MED23: variants seen among roughly 807,000 people sequenced by gnomAD.
The protein encoded by MED23 is mediator complex subunit 23, also known as mediator of RNA polymerase II transcription subunit 23.
MED23 carries 105 observed loss-of-function variants against 163.9 expected under a neutral mutation model. The observed-to-expected ratio is 0.64, with a 90% CI of 0.55 to 0.75. The LOEUF is 0.75. Ranked by LOEUF, MED23 falls within the 30% of genes least tolerant of loss-of-function variation. The probability of loss-of-function intolerance (pLI) is 0.00; values close to 1 mark genes in which losing one functional copy is unlikely to be tolerated. For synonymous variants in MED23, 561 were observed against 565.6 expected (o/e 0.99, Z 0.12); for missense variants, 1,054 against 1,649.0 (o/e 0.64, Z 6.25).
chr6:131,574,413 C>T (rs1255198207), intron 30 of MED23: 2 of 1,141,402 alleles, frequency 1.8e-6, no homozygotes, highest in Admixed American at 1.7e-5. Context: ...AACACAGGGA[C>T]ATTTTGCTGA....
rs567104058 is a variant in MED23, at chr6:131,609,822, T to C, written c.1077+224A>G. On this transcript the variant is annotated intron_variant, in intron 11 of 28. Transcript: ENST00000368068. ...GATATTACAGTGCCTTTTCATCTTG[T>C]ATCTGCTGGTGCCTGCACTGAGAAT... Among the ~76,000 whole-genome samples the C allele has an allele frequency of 4.0e-5, 6 of 151,126 alleles. No homozygotes were observed. The East Asian group carries it at 7.7e-4, about 20-fold the overall frequency.
At chr6:131,615,828 T>C in intron 10 of MED23, 79 bp downstream of exon 10, 2 of 1,036,078 alleles carry the variant, frequency 1.9e-6, no homozygotes, top group Non-Finnish European at 1.5e-6. Flanking sequence ...TTTTGCTCAG[T>C]TAGCTATAGC....
intron 22 of MED23, among the ~76,000 whole-genome samples, chr6:131,595,739 C>T (rs932242418): frequency 2.0e-5 from 3 of 152,194 alleles, no homozygotes; most frequent in Non-Finnish European, 4.4e-5. Flanking sequence ...ACAGTAACAT[C>T]ACCCTGTTCT....
rs1327331916 is a variant in MED23, at chr6:131,615,426, G to A, written c.876+481C>T. The stretch of plus-strand genomic sequence containing the variant: ...AAAGAAAAGACAAAACAGTGACTAT[G>A]AGGCCAGCCTCAAGGAACCCAGAGT... On this transcript the variant is annotated intron_variant, in intron 10 of 28. Transcript: ENST00000368068. The A allele has an allele frequency of 3.1e-6, 4 of 1,306,838 alleles. No individual in the cohort carries two copies. The African/African-American group carries it at 4.6e-5, about 15-fold the overall frequency. The allele number at this position is 1,306,838 out of a possible 1,614,324, so 81.0% of individuals were successfully genotyped here. A position where few individuals can be genotyped will look rare whatever the true frequency, so the allele number is the denominator to read the frequency against.
chr6:131,587,385 C>A lies in MED23; in HGVS notation c.*294G>T, dbSNP rs902244148. On this transcript the variant is annotated 3_prime_UTR_variant, in exon 29 of 29. Transcript: ENST00000368068. Reference sequence around the variant, plus strand: ...GCTAGAATAGGAAAGACTGAAAGTGCCAATGACAAGTCATTTGATCACAGA... The same window carrying A: ...GCTAGAATAGGAAAGACTGAAAGTGACAATGACAAGTCATTTGATCACAGA... The A allele has an allele frequency of 2.3e-5, 27 of 1,196,706 alleles. No homozygotes were observed. The African/African-American group carries it at 3.8e-4, about 17-fold the overall frequency. The allele number at this position is 1,196,706 out of a possible 1,614,324, so 74.1% of individuals were successfully genotyped here. A position where few individuals can be genotyped will look rare whatever the true frequency, so the allele number is the denominator to read the frequency against.
intron 23 of MED23, 31 bp downstream of exon 23, chr6:131,594,068 T>C: frequency 6.7e-7 from 1 of 1,497,052 alleles, no homozygotes; most frequent in Non-Finnish European, 9.3e-7. Context: ...CTGTTATTTC[T>C]GGGAGTCTAA....
chr6:131,603,041 C>T lies in MED23; in HGVS notation c.1920G>A (p.Gln640=), dbSNP rs1775602930. The T allele has an allele frequency of 6.2e-7, 1 of 1,613,730 alleles. No homozygotes were observed. The change falls in exon 16 of 29, where the codon CAG becomes CAA. Residue 640 remains glutamine, a synonymous_variant. Coordinates refer to ENST00000368068, the MANE Select transcript of MED23 (RefSeq NM_004830.4). Reference sequence around the variant, plus strand: ...TTCAATGAGCTCACCAAAGATGGAGCTGGTTCTGGTTTGTTTGTGCAACTG... The same window carrying T: ...TTCAATGAGCTCACCAAAGATGGAGTTGGTTCTGGTTTGTTTGTGCAACTG... ...LAAVAQTNQN[Q]LHLCVESTAL...
chr6:131,586,939 T>G lies in MED23; in HGVS notation c.*740A>C. On this transcript the variant is annotated 3_prime_UTR_variant, in exon 29 of 29. Transcript: ENST00000368068. ...CATCTGTCAGGTGAGAGTGTCAACC[T>G]GCAAAAGCAATTAACTTATTTTTAA... 6.7e-7 allele frequency: 1 copy of G among 1,485,278 alleles called. No homozygotes were observed. Among genetic ancestry groups the G allele is most frequent in the African/African-American group, 1.4e-5 (1 of 71,442 alleles). The allele number at this position is 1,485,278 out of a possible 1,614,324, so 92.0% of individuals were successfully genotyped here. A position where few individuals can be genotyped will look rare whatever the true frequency, so the allele number is the denominator to read the frequency against.
At chr6:131,625,597 T>C (rs760952037) in intron 3 of MED23, among the ~76,000 whole-genome samples, 16 of 152,236 alleles carry the variant, frequency 1.1e-4, no homozygotes, top group Non-Finnish European at 1.9e-4. Context: ...TACATACTTC[T>C]ATTGTGGCAC....
At chr6:131,616,530 A>C (rs940194139) in intron 9 of MED23, among the ~76,000 whole-genome samples, 8 of 152,216 alleles carry the variant, frequency 5.3e-5, no homozygotes, top group African/African-American at 1.9e-4. Flanking sequence ...TATAATAAAT[A>C]GTACTAGGCC....
chr6:131,624,972 A>G lies in MED23; in HGVS notation c.177T>C (p.Cys59=). The change falls in exon 4 of 29, where the codon TGT becomes TGC. Residue 59 remains cysteine (C), a synonymous_variant. Transcript: ENST00000368068. ...GAATAAACTTAACAATCCACTGGAT[A>G]CACTGTTCATGAGACTCCTGGAAAA... ...GGLSQESHEQ[C]IQWIVKFIHG... The G allele has an allele frequency of 6.2e-7, 1 of 1,613,774 alleles. No homozygotes were observed. Among genetic ancestry groups the G allele is most frequent in the Non-Finnish European group, 8.5e-7 (1 of 1,179,950 alleles).
chr6:131,601,414 G>A (rs1319566237), intron 17 of MED23, among the ~76,000 whole-genome samples: 3 of 152,170 alleles, frequency 2.0e-5, no homozygotes, highest in Non-Finnish European at 2.9e-5. Flanking sequence ...TACAAAACAT[G>A]CATGGATTTA....
At chr6:131,577,904 C>CAA (rs574140142) in intron 30 of MED23, among the ~76,000 whole-genome samples, 5 of 75,026 alleles carry the variant, frequency 6.7e-5, no homozygotes, top group South Asian at 4.5e-4. Flanking sequence ...ACTCCATCTC[C>CAA]AAAAAAAAAA....
intron 20 of MED23, among the ~76,000 whole-genome samples, chr6:131,596,914 T>C (rs1026950330): frequency 3.3e-5 from 5 of 152,208 alleles, no homozygotes; most frequent in South Asian, 2.1e-4. Context: ...TCTTTACTTT[T>C]AAAAATTTAA....
chr6:131,610,309 G>T, intron 10 of MED23, 63 bp from the exon 11 acceptor site: 1 of 1,474,546 alleles, frequency 6.8e-7, no homozygotes, highest in Non-Finnish European at 9.4e-7. Flanking sequence ...GAAGTTACCA[G>T]TTAATGGGCA....
downstream of MED23, chr6:131,582,665 T>C (rs756330677): frequency 1.2e-6 from 2 of 1,613,948 alleles, no homozygotes; most frequent in Admixed American, 1.7e-5. Context: ...CCTGTATATC[T>C]GCCAAGGATA....
Position 131,606,746 on chromosome 6 carries a change from C to T in MED23, c.1222-122G>A, listed in dbSNP as rs564435834. ...TTAGCATATCATGTCTTACTTTAGC[C>T]CCGATAATTCAATAATACAAATCAG... On this transcript the variant is annotated intron_variant, in intron 12 of 28. Coordinates refer to ENST00000368068, the MANE Select transcript of MED23 (RefSeq NM_004830.4). 7.5e-5 allele frequency: 65 copies of T among 865,992 alleles called. No homozygotes were observed. The Admixed American group carries it at 1.5e-3, about 20-fold the overall frequency. 53.6% of individuals were successfully genotyped at this position (865,992 alleles called of 1,614,324 possible). A position where few individuals can be genotyped will look rare whatever the true frequency, so the allele number is the denominator to read the frequency against.
chr6:131,608,494 A>G (rs1776023895), intron 11 of MED23, among the ~76,000 whole-genome samples: 1 of 151,928 alleles, frequency 6.6e-6, no homozygotes, highest in Non-Finnish European at 1.5e-5. Flanking sequence ...TTTTAATTTG[A>G]AATTGTCATG....
At position 131,600,029 on chromosome 6, in the gene MED23, C is replaced by A; in HGVS notation, c.2220+9G>T. The A allele has an allele frequency of 6.2e-7, 1 of 1,613,908 alleles. No homozygotes were observed. Among genetic ancestry groups the A allele is most frequent in the South Asian group, 1.1e-5 (1 of 91,082 alleles). On this transcript the variant is annotated intron_variant, in intron 18 of 28. Coordinates refer to ENST00000368068, the MANE Select transcript of MED23 (RefSeq NM_004830.4). Reference sequence around the variant, plus strand: ...TGTGCATTCAATAAGTAATTCAAGACCAAATTACCTGTAGTGGGCCTGGAA... The same window carrying A: ...TGTGCATTCAATAAGTAATTCAAGAACAAATTACCTGTAGTGGGCCTGGAA...
Sources: allele counts gnomAD v4.1 joint callset (sites outside exome capture counted in the v4.1 genomes callset), GRCh38; gene constraint gnomAD v4.1.1; transcripts MANE v1.5; gene names NCBI Gene and HGNC (gene_info 2026-07-23, HGNC 2026-07-21).